CHD6: variants seen among roughly 807,000 people sequenced by gnomAD.
The protein encoded by CHD6 is ATP-dependent chromatin remodeler CHD6.
A neutral mutation model predicts 276.9 loss-of-function variants in CHD6; 50 were observed. The ratio of observed to expected loss-of-function variants is 0.18; its 90% confidence interval spans 0.14 to 0.23. The LOEUF (loss-of-function observed/expected upper bound fraction) is 0.23, where lower values mean the gene tolerates loss of function less well. Among genes scored for constraint, CHD6 ranks in the 10% least tolerant of loss-of-function variants. The pLI is 1.00. For synonymous variants in CHD6, 1,173 were observed against 1,229.3 expected (o/e 0.95, Z 0.96); for missense variants, 2,564 against 3,365.8 (o/e 0.76, Z 5.89).
intron 1 of CHD6, among the ~76,000 whole-genome samples, chr20:41,600,554 G>C (rs1386507394): frequency 1.3e-5 from 2 of 152,122 alleles, no homozygotes; most frequent in African/African-American, 4.8e-5. Context: ...TAATCAAGCA[G>C]TATACTTGAG....
rs558984021 is a variant in CHD6 at position 41,511,673 on chromosome 20, A to G, written c.852+1173T>C. Among the ~76,000 whole-genome samples, 12 of 151,972 alleles carry G rather than the reference A, an allele frequency of 7.9e-5. No homozygotes were observed. The South Asian group carries it at 8.3e-4, about 11-fold the overall frequency. The stretch of plus-strand genomic sequence containing the variant: ...TATCTCTCAGTCCTCCTCTCTCACC[A>G]CCCCTCAAATTATACCCCAGCATCC... On this transcript the variant is annotated intron_variant, in intron 5 of 36. Coordinates refer to ENST00000373233, the MANE Select transcript of CHD6 (RefSeq NM_032221.5).
chr20:41,466,226 A>T (rs922041414), intron 17 of CHD6, among the ~76,000 whole-genome samples: 2 of 152,036 alleles, frequency 1.3e-5, no homozygotes, highest in African/African-American at 4.8e-5. Flanking sequence ...AAAAACACAC[A>T]CAGTTTGTTT....
chr20:41,470,899 C>G (rs2043037482), intron 17 of CHD6, among the ~76,000 whole-genome samples: 2 of 152,254 alleles, frequency 1.3e-5, no homozygotes, highest in South Asian at 4.1e-4. Context: ...TTCCACTGAT[C>G]CTCCTGGATA....
At position 41,576,278 on chromosome 20, in the gene CHD6, ATAAG is replaced by A. The variant is rs140347700; in HGVS notation, c.-23-24922_-23-24919del. The stretch of plus-strand genomic sequence containing the variant: ...ATCAATATTTGAATTTGTAAACAGA[ATAAG>A]TAAAAGTAAGAAATACGTTGTCTTT... On this transcript the variant is annotated intron_variant, in intron 1 of 36. Coordinates refer to ENST00000373233, the MANE Select transcript of CHD6 (RefSeq NM_032221.5). Among the ~76,000 whole-genome samples, 1,212 of 152,372 alleles carry A rather than the reference ATAAG, an allele frequency of 8.0e-3. 11 individuals are homozygous for A. Among genetic ancestry groups the A allele is most frequent in the Middle Eastern group, 0.024 (7 of 294 alleles).
chr20:41,428,851 A>G (rs1395452253), intron 27 of CHD6, among the ~76,000 whole-genome samples: 1 of 152,220 alleles, frequency 6.6e-6, no homozygotes. Context: ...TACAATGGGC[A>G]TAAGAATAAT....
intron 17 of CHD6, among the ~76,000 whole-genome samples, chr20:41,459,126 C>T (rs968985242): frequency 1.3e-5 from 2 of 152,128 alleles, no homozygotes; most frequent in African/African-American, 2.4e-5. Flanking sequence ...TATGTTTGCC[C>T]ATAAGGGACT....
intron 14 of CHD6, chr20:41,485,773 A>G (rs1445369536): frequency 1.3e-5 from 2 of 152,166 alleles, no homozygotes; most frequent in African/African-American, 4.8e-5. Context: ...AGATCTACTG[A>G]ACAACATGGT....
rs1263845933 is a variant in CHD6, at chr20:41,421,463, T to C, written c.5172A>G (p.Pro1724=). 3 of 1,614,058 alleles carry C rather than the reference T, an allele frequency of 1.9e-6. No individual in the cohort carries two copies. Among genetic ancestry groups the C allele is most frequent in the Non-Finnish European group, 2.5e-6 (3 of 1,180,028 alleles). The change falls in exon 31 of 37, where the codon CCA becomes CCG. Residue 1724 remains proline, a synonymous_variant. Transcript: ENST00000373233. ...CTTTTCTAGATTCAGTATTGGTACT[T>C]GGGCTCTCCTGAAAAGAGCTTGGTT... is the stretch of plus-strand genomic sequence containing the variant. ...SQEPSSFQES[P]STNTESRKDV... is the part of the protein sequence containing the mutation.
intron 31 of CHD6, among the ~76,000 whole-genome samples, chr20:41,418,351 TAG>T (rs1313936496): frequency 1.3e-5 from 2 of 152,054 alleles, no homozygotes; most frequent in African/African-American, 2.4e-5. Flanking sequence ...AGTAGGTTGT[TAG>T]AGAGTCTCTC....
At chr20:41,612,153 C>G (rs1262820926) in intron 1 of CHD6, among the ~76,000 whole-genome samples, 1 of 152,218 alleles carries the variant, frequency 6.6e-6, no homozygotes, top group Non-Finnish European at 1.5e-5. Context: ...TTCTAACCAT[C>G]TGCTATAAAA....
intron 1 of CHD6, among the ~76,000 whole-genome samples, chr20:41,578,495 G>C (rs1045381162): frequency 4.6e-5 from 7 of 152,148 alleles, no homozygotes; most frequent in African/African-American, 1.7e-4. Context: ...TAATTATTTA[G>C]GTAACAATCA....
At chr20:41,550,612 C>G (rs1373664442) in intron 2 of CHD6, among the ~76,000 whole-genome samples, 1 of 152,174 alleles carries the variant, frequency 6.6e-6, no homozygotes, top group Non-Finnish European at 1.5e-5. Context: ...GATTTAGATA[C>G]CCCAATTCCC....
At chr20:41,598,152 T>C (rs1601182966) in intron 1 of CHD6, among the ~76,000 whole-genome samples, 1 of 152,278 alleles carries the variant, frequency 6.6e-6, no homozygotes, top group Non-Finnish European at 1.5e-5. Context: ...AAATTTCCAT[T>C]ACTATCTCAA....
At chr20:41,599,242 G>C (rs1427667810) in intron 1 of CHD6, among the ~76,000 whole-genome samples, 1 of 152,172 alleles carries the variant, frequency 6.6e-6, no homozygotes, top group African/African-American at 2.4e-5. Context: ...GCCAAGAAAG[G>C]TGGGAGTCTG....
chr20:41,556,307 C>CGGGAGAGGGAGA (rs11280735), intron 1 of CHD6, among the ~76,000 whole-genome samples: 1 of 108,904 alleles, frequency 9.2e-6, no homozygotes, highest in Admixed American at 8.7e-5. Flanking sequence ...CGTGGGGAGA[C>CGGGAGAGGGAGA]GGGAGAGGGA....
At chr20:41,615,661 G>T (rs1334868263) in intron 1 of CHD6, among the ~76,000 whole-genome samples, 1 of 152,228 alleles carries the variant, frequency 6.6e-6, no homozygotes, top group Non-Finnish European at 1.5e-5. Context: ...CTATACCAAA[G>T]ATATTTCTGC....
intron 27 of CHD6, among the ~76,000 whole-genome samples, chr20:41,433,585 T>C (rs959510673): frequency 3.3e-5 from 5 of 152,078 alleles, no homozygotes; most frequent in Non-Finnish European, 5.9e-5. Flanking sequence ...GACAGTTCTC[T>C]AGACTACCTT....
At chr20:41,418,616 T>C (rs766134929) in intron 31 of CHD6, among the ~76,000 whole-genome samples, 1 of 151,998 alleles carries the variant, frequency 6.6e-6, no homozygotes, top group African/African-American at 2.4e-5. Context: ...AGCAAAATCA[T>C]GTGAGACAGA....
chr20:41,565,103 T>C (rs958573098), intron 1 of CHD6, among the ~76,000 whole-genome samples: 5 of 151,942 alleles, frequency 3.3e-5, no homozygotes, highest in African/African-American at 9.7e-5. Context: ...ATGGATTTTT[T>C]TTTTTTTTTT....
Sources: allele counts gnomAD v4.1 joint callset (sites outside exome capture counted in the v4.1 genomes callset), GRCh38; gene constraint gnomAD v4.1.1; transcripts MANE v1.5; gene names NCBI Gene and HGNC (gene_info 2026-07-23, HGNC 2026-07-21).